Variants in SLC23A1 observed in about 807,000 individuals in gnomAD.
SLC23A1 encodes the protein Na(+)/L-ascorbic acid transporter 1.
A neutral mutation model predicts 62.5 loss-of-function variants in SLC23A1; 31 were observed. The observed-to-expected ratio is 0.50, with a 90% CI of 0.37 to 0.67. The LOEUF is 0.67. SLC23A1 is among the 30% of genes least tolerant of loss of function. SLC23A1 has a pLI of 0.00. For missense variants in SLC23A1, 640 were observed against 782.7 expected, an observed-to-expected ratio of 0.82 and a Z score of 2.18; for synonymous variants, 271 against 313.2, an observed-to-expected ratio of 0.87 and a Z score of 1.42.
chr5:139,373,253 C>T (rs2152064936), intron 13 of SLC23A1, among the ~76,000 whole-genome samples: 1 of 151,940 alleles, frequency 6.6e-6, no homozygotes, highest in East Asian at 1.9e-4. Flanking sequence ...TCTCGGTTCA[C>T]TGCAACCTCT....
Position 139,379,868 on chromosome 5 carries a change from C to T in SLC23A1, c.769-34G>A. The T allele has an allele frequency of 6.2e-7, 1 of 1,613,992 alleles. No individual in the cohort carries two copies. The highest frequency in any genetic ancestry group is 8.5e-7 in the Non-Finnish European group (1 of 1,179,924). On this transcript the variant is annotated intron_variant, in intron 7 of 14. Transcript: ENST00000348729. This position sits in a 1 kb window ranked among gnomAD's most constrained non-coding sequence, Gnocchi z 4.7. ...GGGGGGTGAGGGGGCACTGAAGGCACTGGAGGTCTCTGTCCAGGCTAACCT... is the reference window on the plus strand; with the variant it reads ...GGGGGGTGAGGGGGCACTGAAGGCATTGGAGGTCTCTGTCCAGGCTAACCT...
At chr5:139,380,724 C>A in intron 4 of SLC23A1, 74 bp downstream of exon 4, 1 of 1,458,476 alleles carries the variant, frequency 6.9e-7, no homozygotes, top group East Asian at 2.3e-5. Context: ...GGTGTTGACC[C>A]GGGACAGTTG....
chr5:139,368,151 T>C (rs1045118972), intron 14 of SLC23A1, among the ~76,000 whole-genome samples: 66 of 152,234 alleles, frequency 4.3e-4, no homozygotes, highest in African/African-American at 1.2e-3. Flanking sequence ...CTGGCTAACA[T>C]GGTGAAACCC....
intron 3 of SLC23A1, among the ~76,000 whole-genome samples, chr5:139,381,095 A>C (rs570809553): frequency 1.3e-5 from 2 of 152,352 alleles, no homozygotes; most frequent in Non-Finnish European, 2.9e-5. Context: ...CCCCAGCTCA[A>C]AACCTGCCCC....
chr5:139,374,456 A>C (rs1057484050), intron 13 of SLC23A1, among the ~76,000 whole-genome samples: 1 of 152,140 alleles, frequency 6.6e-6, no homozygotes, highest in Non-Finnish European at 1.5e-5. Flanking sequence ...ACAAACAAAC[A>C]AACAAAAAAA....
At position 139,378,116 on chromosome 5, in the gene SLC23A1, T is replaced by C. The variant is rs776719674; in HGVS notation, c.1312A>G (p.Met438Val). The C allele has an allele frequency of 4.3e-6, 7 of 1,614,230 alleles. No homozygotes were observed. The South Asian group carries it at 7.7e-5, about 18-fold the overall frequency. Residue 438 changes from methionine (M) to valine (V), a missense_variant and splice_region_variant, in exon 12 of 15, where the codon ATG (methionine) becomes GTG (valine). By Grantham distance (21) the Met-to-Val change is conservative. Coordinates refer to ENST00000348729, the MANE Select transcript of SLC23A1 (RefSeq NM_005847.5). This position sits in a 1 kb window ranked among gnomAD's most constrained non-coding sequence, Gnocchi z 4.5. ...TTGGACAGCCCCACAGCTGTAATCATGCCTAAGGGCGCAAGAGAACGGCTG... is the reference window on the plus strand; with the variant it reads ...TTGGACAGCCCCACAGCTGTAATCACGCCTAAGGGCGCAAGAGAACGGCTG... ...LGGMFCTLFG[M>V]ITAVGLSNLQ...
upstream of SLC23A1, among the ~76,000 whole-genome samples, chr5:139,385,602 G>A (rs1474423469): frequency 1.3e-5 from 2 of 152,148 alleles, no homozygotes; most frequent in African/African-American, 4.8e-5. Flanking sequence ...TGAAGACCTG[G>A]GATGTCACTG....
In SLC23A1 at chr5:139,378,062, G is replaced by C; in HGVS notation, c.1366C>G (p.Arg456Gly). 1 of 1,614,166 alleles carries C rather than the reference G, an allele frequency of 6.2e-7. No homozygotes were observed. The highest frequency in any genetic ancestry group is 8.5e-7 in the Non-Finnish European group (1 of 1,180,000). The change falls in exon 12 of 15, where the codon CGC becomes GGC. Residue 456 changes from arginine (R) to glycine (G), a missense_variant. Physicochemically the swap from Arg to Gly is moderately radical, Grantham distance 125. Coordinates refer to ENST00000348729, the MANE Select transcript of SLC23A1 (RefSeq NM_005847.5). The surrounding 1 kb of genome is among the most constrained non-coding windows in gnomAD (Gnocchi z 4.5). ...NLQFVDMNSSRNLFVLGFSMF... is the reference protein window; with the variant it reads ...NLQFVDMNSSGNLFVLGFSMF... ...GAAAATCCCAGCACGAAGAGGTTGCGAGAGGAGTTCATGTCCACAAATTGC... is the reference window on the plus strand; with the variant it reads ...GAAAATCCCAGCACGAAGAGGTTGCCAGAGGAGTTCATGTCCACAAATTGC...
At position 139,378,429 on chromosome 5, in the gene SLC23A1, T is replaced by G; in HGVS notation, c.1180-78A>C. The G allele has an allele frequency of 6.6e-7, 1 of 1,510,930 alleles. No homozygotes were observed. The allele number at this position is 1,510,930 out of a possible 1,614,324, so 93.6% of individuals were successfully genotyped here. ...TTAGTTCCAGGGGCGGGGCCTGTTA[T>G]AAGAGCGAGGCATAAACCGGCTGGG... is the stretch of plus-strand genomic sequence containing the variant. On this transcript the variant is annotated intron_variant, in intron 10 of 14. Coordinates refer to ENST00000348729, the MANE Select transcript of SLC23A1 (RefSeq NM_005847.5). The surrounding 1 kb of genome is among the most constrained non-coding windows in gnomAD (Gnocchi z 4.5).
At chr5:139,374,414 G>A (rs987276100) in intron 13 of SLC23A1, among the ~76,000 whole-genome samples, 1 of 152,210 alleles carries the variant, frequency 6.6e-6, no homozygotes. Context: ...TCCAGCCTGG[G>A]CGACAGAGCG....
chr5:139,378,244 C>G lies in SLC23A1; in HGVS notation c.1287G>C (p.Gly429=). 2 of 1,612,426 alleles carry G rather than the reference C, an allele frequency of 1.2e-6. No homozygotes were observed. The highest frequency in any genetic ancestry group is 1.7e-6 in the Non-Finnish European group (2 of 1,179,448). Residue 429 remains glycine, a synonymous_variant, in exon 11 of 15, where the codon GGG becomes GGC. Transcript: ENST00000348729. The surrounding 1 kb of genome is among the most constrained non-coding windows in gnomAD (Gnocchi z 4.5). ...LFASLPDPIL[G]GMFCTLFGMI... Reference sequence around the variant, plus strand: ...CACCAAAGAGAGTGCAGAACATGCCCCCCAGGATGGGGTCAGGGAGCGAGG... The same window carrying G: ...CACCAAAGAGAGTGCAGAACATGCCGCCCAGGATGGGGTCAGGGAGCGAGG...
chr5:139,376,018 GGTA>G (rs1354766886), intron 13 of SLC23A1, among the ~76,000 whole-genome samples: 1 of 151,488 alleles, frequency 6.6e-6, no homozygotes, highest in African/African-American at 2.4e-5. Flanking sequence ...CCTGTGCACC[GGTA>G]GTCCCAATTA....
At position 139,379,260 on chromosome 5, in the gene SLC23A1, G is replaced by A. The variant is rs776506562; in HGVS notation, c.1020C>T (p.Tyr340=). The change falls in exon 9 of 15, where the codon TAC becomes TAT. Residue 340 remains tyrosine (Y), a synonymous_variant. Transcript: ENST00000348729. The surrounding 1 kb of genome is among the most constrained non-coding windows in gnomAD (Gnocchi z 4.7). ...AGIIESIGDY[Y]ACARLAGAPP... is the part of the protein sequence containing the mutation. ...GTGCACCAGCCAGGCGGGCACAGGC[G>A]TAGTAATCTCCGATGGACTCAATGA... The A allele has an allele frequency of 8.7e-6, 14 of 1,614,058 alleles. No homozygotes were observed. Among genetic ancestry groups the A allele is most frequent in the Admixed American group, 3.3e-5 (2 of 60,006 alleles).
At position 139,382,591 on chromosome 5, in the gene SLC23A1, C is replaced by T; in HGVS notation, c.51G>A (p.Arg17=). ...LEGRTQHETT[R]DPSTPLPTEP... The stretch of plus-strand genomic sequence containing the variant: ...CTGTGGGTAGCGGGGTCGAGGGGTC[C>T]CTGGTGGTTTCATGCTGGAGGCAGC... Residue 17 remains arginine (R), a synonymous_variant, in exon 2 of 15, where the codon AGG becomes AGA. Transcript: ENST00000348729. 6.2e-7 allele frequency: 1 copy of T among 1,611,534 alleles called. No individual in the cohort carries two copies. The highest frequency in any genetic ancestry group is 8.5e-7 in the Non-Finnish European group (1 of 1,178,300).
In SLC23A1 at chr5:139,373,585, TC is replaced by T. The variant is rs1322077769; in HGVS notation, c.1550-1333del. On this transcript the variant is annotated intron_variant, in intron 13 of 14. Transcript: ENST00000348729. ...TCGACAAAGACTGAAATACTATAAA[TC>T]TAGCAGGAGTGGGAATTTCCACTTG... Among the ~76,000 whole-genome samples the T allele has an allele frequency of 3.6e-4, 55 of 152,128 alleles. 1 individual carries two copies. The highest frequency in any genetic ancestry group is 1.2e-3 in the African/African-American group (51 of 41,404).
rs200977456 is a variant in SLC23A1, at chr5:139,380,636, G to T, written c.398-4C>A. ...CTCCAGTTACCGTAGATCTCCTCTG[G>T]GGGTAGAGTCAGGGATACACACACG... On this transcript the variant is annotated splice_polypyrimidine_tract_variant and splice_region_variant and intron_variant, in intron 4 of 14. Coordinates refer to ENST00000348729, the MANE Select transcript of SLC23A1 (RefSeq NM_005847.5). The T allele has an allele frequency of 5.2e-5, 83 of 1,611,242 alleles. 2 individuals carry two copies. In the Middle Eastern group the frequency reaches 2.0e-3, roughly 38 times the overall value.
rs1758101107 is a variant in SLC23A1, at chr5:139,379,144, C to T, written c.1073+63G>A. ...CTACCCCCTGGGCCTCCACCCCGTT[C>T]CTGTGTGTGCTTCCTGGGTGGCGCC... On this transcript the variant is annotated intron_variant, in intron 9 of 14. Coordinates refer to ENST00000348729, the MANE Select transcript of SLC23A1 (RefSeq NM_005847.5). This position sits in a 1 kb window ranked among gnomAD's most constrained non-coding sequence, Gnocchi z 4.7. 2.6e-6 allele frequency: 4 copies of T among 1,568,278 alleles called. No individual in the cohort carries two copies. Among genetic ancestry groups the T allele is most frequent in the African/African-American group, 1.3e-5 (1 of 74,292 alleles).
intron 13 of SLC23A1, among the ~76,000 whole-genome samples, chr5:139,372,615 C>G (rs541044681): frequency 6.6e-6 from 1 of 152,040 alleles, no homozygotes; most frequent in Non-Finnish European, 1.5e-5. Context: ...GAGACAGTCT[C>G]GCTCTGTTGC....
rs1299363276 is a variant in SLC23A1 at position 139,378,422 on chromosome 5, C to T, written c.1180-71G>A. On this transcript the variant is annotated intron_variant, in intron 10 of 14. Coordinates refer to ENST00000348729, the MANE Select transcript of SLC23A1 (RefSeq NM_005847.5). The surrounding 1 kb of genome is among the most constrained non-coding windows in gnomAD (Gnocchi z 4.5). ...GGCGGGGTTAGTTCCAGGGGCGGGG[C>T]CTGTTATAAGAGCGAGGCATAAACC... The T allele has an allele frequency of 2.0e-6, 3 of 1,520,344 alleles. No homozygotes were observed. In the East Asian group the frequency reaches 7.4e-5, roughly 37 times the overall value. The allele number at this position is 1,520,344 out of a possible 1,614,324, so 94.2% of individuals were successfully genotyped here.
Sources: gnomAD v4.1 joint callset for allele counts (sites outside exome capture counted in the v4.1 genomes callset) on GRCh38, gnomAD v4.1.1 for gene constraint, Gnocchi (gnomAD v3.1) non-coding constraint, MANE v1.5 for transcripts, NCBI Gene and HGNC (gene_info 2026-07-23, HGNC 2026-07-21) for gene names.